The following B3GNT2 variants were observed in gnomAD, a reference collection of about 807,000 sequenced individuals.
The protein encoded by B3GNT2 is UDP-GlcNAc:betaGal beta-1,3-N-acetylglucosaminyltransferase 2.
In B3GNT2, 12 loss-of-function variants were observed where a neutral mutation model predicts 27.6. The ratio of observed to expected loss-of-function variants is 0.44; its 90% CI spans 0.28 to 0.71. The LOEUF is 0.71. Among genes scored for constraint, B3GNT2 ranks in the 30% least tolerant of loss-of-function variants. The pLI is 0.17. For synonymous variants in B3GNT2, 192 were observed against 189.7 expected (o/e 1.01, Z -0.10); for missense variants, 413 against 488.5 (o/e 0.85, Z 1.46).
intron 1 of B3GNT2, among the ~76,000 whole-genome samples, chr2:62,207,332 A>T (rs1674394927): frequency 2.0e-5 from 3 of 152,164 alleles, no homozygotes; most frequent in Non-Finnish European, 2.9e-5. Context: ...CACATGCTAC[A>T]GGCCACCATG....
intron 1 of B3GNT2, among the ~76,000 whole-genome samples, chr2:62,198,986 G>A (rs1356503188): frequency 6.6e-6 from 1 of 152,116 alleles, no homozygotes; most frequent in Non-Finnish European, 1.5e-5. Flanking sequence ...TCCCGCCCAG[G>A]CTGGAGTGCA....
At chr2:62,216,994 A>G (rs1674588753) in intron 1 of B3GNT2, among the ~76,000 whole-genome samples, 1 of 152,154 alleles carries the variant, frequency 6.6e-6, no homozygotes, top group Non-Finnish European at 1.5e-5. Flanking sequence ...GGACTCTCAA[A>G]GCCTCATTTT....
At chr2:62,210,027 A>G (rs1032046164) in intron 1 of B3GNT2, among the ~76,000 whole-genome samples, 7 of 152,198 alleles carry the variant, frequency 4.6e-5, no homozygotes, top group Admixed American at 1.3e-4. Context: ...CCGACTGGCC[A>G]TTTTGTTGTC....
chr2:62,224,315 A>G lies in B3GNT2; in HGVS notation c.*901A>G, dbSNP rs958164648. The G allele has an allele frequency of 6.0e-5, 10 of 167,188 alleles. No homozygotes were observed. Among genetic ancestry groups the G allele is most frequent in the African/African-American group, 1.9e-4 (8 of 41,590 alleles). 10.4% of individuals were successfully genotyped at this position (167,188 alleles called of 1,614,324 possible). A position where few individuals can be genotyped will look rare whatever the true frequency, so the allele number is the denominator to read the frequency against. On this transcript the variant is annotated 3_prime_UTR_variant, in exon 2 of 2. Transcript: ENST00000301998. The stretch of plus-strand genomic sequence containing the variant: ...TAAAATTCCAGAATTTATTATTGCC[A>G]TATTTTCACATGCTGCTTATACAAG...
At chr2:62,210,269 AAC>A (rs1674456086) in intron 1 of B3GNT2, among the ~76,000 whole-genome samples, 1 of 152,222 alleles carries the variant, frequency 6.6e-6, no homozygotes, top group Admixed American at 6.5e-5. Flanking sequence ...CCAGAGTCCA[AAC>A]ACTGACTCCA....
intron 1 of B3GNT2, among the ~76,000 whole-genome samples, chr2:62,207,207 TCTCA>T (rs1158454191): frequency 1.3e-5 from 2 of 151,438 alleles, no homozygotes; most frequent in Non-Finnish European, 2.9e-5. Flanking sequence ...TAAGACAGGG[TCTCA>T]CTCTGTCGCT....
At chr2:62,208,552 C>T (rs1674422150) in intron 1 of B3GNT2, among the ~76,000 whole-genome samples, 2 of 152,008 alleles carry the variant, frequency 1.3e-5, no homozygotes, top group Admixed American at 1.3e-4. Flanking sequence ...GAGGGGAAAG[C>T]TCGGGAATTG....
At chr2:62,200,839 T>C (rs555885192) in intron 1 of B3GNT2, among the ~76,000 whole-genome samples, 102 of 152,362 alleles carry the variant, frequency 6.7e-4, no homozygotes, top group African/African-American at 2.3e-3. Context: ...ATGTAGTCTT[T>C]TGTGAAATAG....
Position 62,224,341 on chromosome 2 carries a change from A to T in B3GNT2, c.*927A>T, listed in dbSNP as rs1674782991. The stretch of plus-strand genomic sequence containing the variant: ...TATTTTCACATGCTGCTTATACAAG[A>T]TTATTATTGAGTAGTAACTGCTTCC... On this transcript the variant is annotated 3_prime_UTR_variant, in exon 2 of 2. Transcript: ENST00000301998. 6.0e-6 allele frequency: 1 copy of T among 167,052 alleles called. No homozygotes were observed. Among genetic ancestry groups the T allele is most frequent in the East Asian group, 1.9e-4 (1 of 5,206 alleles). The allele number at this position is 167,052 out of a possible 1,614,324, so 10.3% of individuals were successfully genotyped here.
intron 1 of B3GNT2, among the ~76,000 whole-genome samples, chr2:62,205,432 C>T (rs1674354392): frequency 6.6e-6 from 1 of 152,026 alleles, no homozygotes; most frequent in African/African-American, 2.4e-5. Flanking sequence ...TTTGAGGATA[C>T]GTATTTTAAA....
chr2:62,223,247 C>G lies in B3GNT2; in HGVS notation c.1027C>G (p.Leu343Val). ...DVYTGMCLQK[L>V]GLVPEKHKGF... ...TTATACTGGAATGTGCCTTCAGAAA[C>G]TCGGCCTCGTTCCAGAGAAACACAA... Residue 343 changes from leucine (L) to valine (V), a missense_variant, in exon 2 of 2, where the codon CTC becomes GTC. Coordinates refer to ENST00000301998, the MANE Select transcript of B3GNT2 (RefSeq NM_006577.6). The G allele has an allele frequency of 6.2e-7, 1 of 1,614,180 alleles. No homozygotes were observed. The highest frequency in any genetic ancestry group is 8.5e-7 in the Non-Finnish European group (1 of 1,180,022).
At chr2:62,202,875 C>G (rs57643158) in intron 1 of B3GNT2, among the ~76,000 whole-genome samples, 18,463 of 151,650 alleles carry the variant, frequency 0.12, 3,195 homozygotes, top group African/African-American at 0.39. Context: ...CCTCCCTTCT[C>G]CCCCTCATTT....
chr2:62,219,588 A>T (rs142191020), intron 1 of B3GNT2, among the ~76,000 whole-genome samples: 1 of 152,138 alleles, frequency 6.6e-6, no homozygotes, highest in Non-Finnish European at 1.5e-5. Context: ...CCCCTTTGCA[A>T]ATCTTTTTCT....
intron 1 of B3GNT2, among the ~76,000 whole-genome samples, chr2:62,206,258 C>T (rs760243125): frequency 3.3e-5 from 5 of 152,060 alleles, no homozygotes; most frequent in East Asian, 3.9e-4. Flanking sequence ...GGGCTGGGGG[C>T]GGCCCATCTG....
chr2:62,203,664 G>A (rs1311108876), intron 1 of B3GNT2, among the ~76,000 whole-genome samples: 2 of 152,154 alleles, frequency 1.3e-5, no homozygotes, highest in African/African-American at 4.8e-5. Flanking sequence ...AGGAGCATGT[G>A]CCTGGTGCCT....
rs79527193 is a variant in B3GNT2, at chr2:62,205,167, A to G, written c.-10+8812A>G. 2.0e-4 allele frequency among the ~76,000 whole-genome samples: 31 copies of G among 152,276 alleles called. No individual in the cohort carries two copies. The South Asian group carries it at 2.9e-3, about 14-fold the overall frequency. Reference sequence around the variant, plus strand: ...TGGTATATGAAGGGAACGTGCAGAGACTCGTTTAAAACTGAGGTGACTCAA... The same window carrying G: ...TGGTATATGAAGGGAACGTGCAGAGGCTCGTTTAAAACTGAGGTGACTCAA... On this transcript the variant is annotated intron_variant, in intron 1 of 1. Transcript: ENST00000301998.
chr2:62,201,576 G>A (rs1042591154), intron 1 of B3GNT2, among the ~76,000 whole-genome samples: 3 of 152,144 alleles, frequency 2.0e-5, no homozygotes, highest in African/African-American at 7.2e-5. Context: ...TAATTCCATG[G>A]CCTCATGTCT....
intron 1 of B3GNT2, among the ~76,000 whole-genome samples, chr2:62,219,539 C>T (rs1186045733): frequency 1.3e-5 from 2 of 152,266 alleles, no homozygotes; most frequent in African/African-American, 4.8e-5. Flanking sequence ...CCTACCAAAG[C>T]AAAGTGCTGG....
chr2:62,222,141 G>C lies in B3GNT2; in HGVS notation c.-9-71G>C. 5 of 1,333,504 alleles carry C rather than the reference G, an allele frequency of 3.7e-6. No homozygotes were observed. The highest frequency in any genetic ancestry group is 1.4e-5 in the South Asian group (1 of 69,014). 82.6% of individuals were successfully genotyped at this position (1,333,504 alleles called of 1,614,324 possible). ...GTAAACCACTATTCCTGGGGAGACA[G>C]GTAAAATAAATTGTATGTGCAAATG... On this transcript the variant is annotated intron_variant, in intron 1 of 1. Coordinates refer to ENST00000301998, the MANE Select transcript of B3GNT2 (RefSeq NM_006577.6). The surrounding 1 kb of genome is among the most constrained non-coding windows in gnomAD (Gnocchi z 4.2).
Sources: allele counts gnomAD v4.1 joint callset (sites outside exome capture counted in the v4.1 genomes callset), GRCh38; gene constraint gnomAD v4.1.1; non-coding constraint Gnocchi (gnomAD v3.1); transcripts MANE v1.5; gene names NCBI Gene and HGNC (gene_info 2026-07-23, HGNC 2026-07-21).